Variants in PRKAR2B observed in about 807,000 individuals in gnomAD.
The protein encoded by PRKAR2B is protein kinase cAMP-dependent type II regulatory subunit beta.
In PRKAR2B, 14 loss-of-function variants were observed where a neutral mutation model predicts 49.9. The ratio of observed to expected loss-of-function variants is 0.28; its 90% CI spans 0.19 to 0.44. PRKAR2B has a LOEUF of 0.44. PRKAR2B is among the 20% of genes least tolerant of loss of function. The pLI is 1.00. For synonymous variants in PRKAR2B, 196 were observed against 197.7 expected (o/e 0.99, Z 0.07); for missense variants, 393 against 537.9 (o/e 0.73, Z 2.67).
chr7:107,109,882 G>A (rs1795141320), intron 2 of PRKAR2B, among the ~76,000 whole-genome samples: 1 of 152,140 alleles, frequency 6.6e-6, no homozygotes, highest in Non-Finnish European at 1.5e-5. Context: ...TCAACCAGTT[G>A]TTCCTCCCCC....
At chr7:107,133,426 C>A (rs1795638032) in intron 4 of PRKAR2B, among the ~76,000 whole-genome samples, 1 of 152,154 alleles carries the variant, frequency 6.6e-6, no homozygotes, top group Admixed American at 6.5e-5. Context: ...CCTCTACCTG[C>A]CTTAAAAAAG....
chr7:107,086,387 C>T (rs1794621061), intron 2 of PRKAR2B, among the ~76,000 whole-genome samples: 1 of 151,776 alleles, frequency 6.6e-6, no homozygotes, highest in South Asian at 2.1e-4. Context: ...AATACTTAAC[C>T]GATTTCTTAA....
rs896422420 is a variant in PRKAR2B, at chr7:107,044,818, G to T, written c.-90G>T. On this transcript the variant is annotated 5_prime_UTR_variant, in exon 1 of 11. Transcript: ENST00000265717. ...TCGCAGCCGGTAGCGCGCCAGCGCC[G>T]TAGGCGCTCGCTCGGCAGCCGCGGG... 146 of 1,091,296 alleles carry T rather than the reference G, an allele frequency of 1.3e-4. No homozygotes were observed. The highest frequency in any genetic ancestry group is 1.6e-4 in the Non-Finnish European group (139 of 853,330). The allele number at this position is 1,091,296 out of a possible 1,614,324, so 67.6% of individuals were successfully genotyped here. A position where few individuals can be genotyped will look rare whatever the true frequency, so the allele number is the denominator to read the frequency against.
rs572238999 is a variant in PRKAR2B at position 107,082,322 on chromosome 7, A to T, written c.343+12006A>T. Among the ~76,000 whole-genome samples, 8 of 152,250 alleles carry T rather than the reference A, an allele frequency of 5.3e-5. No individual in the cohort carries two copies. In the East Asian group the frequency reaches 1.3e-3, roughly 26 times the overall value. On this transcript the variant is annotated intron_variant, in intron 2 of 10. Coordinates refer to ENST00000265717, the MANE Select transcript of PRKAR2B (RefSeq NM_002736.3). ...TACTTTAAAAATGATATTGCTTCTT[A>T]CTTGCTTATATTTATCATTCCCCCC...
chr7:107,064,549 A>G (rs1794094608), intron 1 of PRKAR2B, among the ~76,000 whole-genome samples: 1 of 152,182 alleles, frequency 6.6e-6, no homozygotes, highest in Admixed American at 6.5e-5. Context: ...AGCTCCCGTT[A>G]TGTCTCATAA....
intron 1 of PRKAR2B, among the ~76,000 whole-genome samples, chr7:107,060,617 G>A (rs1361566969): frequency 4.3e-5 from 3 of 69,192 alleles, no homozygotes; most frequent in South Asian, 5.2e-4. Flanking sequence ...CTTCCCTCCC[G>A]CCCTCCCTTC....
chr7:107,133,014 G>A (rs762507608), intron 4 of PRKAR2B, among the ~76,000 whole-genome samples: 7 of 152,062 alleles, frequency 4.6e-5, no homozygotes, highest in African/African-American at 1.4e-4. Context: ...TATATGATAG[G>A]CTCTTTCATT....
intron 3 of PRKAR2B, among the ~76,000 whole-genome samples, chr7:107,122,441 A>G (rs1292895873): frequency 3.9e-5 from 6 of 152,206 alleles, no homozygotes; most frequent in African/African-American, 1.2e-4. Context: ...GTGAGTCTTC[A>G]TAGTTTGCTC....
At position 107,159,631 on chromosome 7, in the gene PRKAR2B, G is replaced by C; in HGVS notation, c.*49G>C. The C allele has an allele frequency of 6.3e-7, 1 of 1,586,674 alleles. No individual in the cohort carries two copies. Among genetic ancestry groups the C allele is most frequent in the Non-Finnish European group, 8.6e-7 (1 of 1,160,964 alleles). On this transcript the variant is annotated 3_prime_UTR_variant, in exon 11 of 11. Transcript: ENST00000265717. ...GTAGTGACAAAATTACACAGTAGTG[G>C]TTAGTCCACTGAGAATGTGTTTGTG...
At chr7:107,123,699 C>G (rs532289997) in intron 3 of PRKAR2B, among the ~76,000 whole-genome samples, 4 of 152,294 alleles carry the variant, frequency 2.6e-5, no homozygotes, top group South Asian at 2.1e-4. Context: ...AAAGTCCAAC[C>G]TACTTGGGAA....
intron 1 of PRKAR2B, among the ~76,000 whole-genome samples, chr7:107,060,421 G>A (rs1309606923): frequency 1.3e-5 from 2 of 152,188 alleles, no homozygotes; most frequent in East Asian, 3.8e-4. Flanking sequence ...AGCTTTGACA[G>A]TAGGATGGAT....
chr7:107,123,972 A>G (rs576826945), intron 3 of PRKAR2B, among the ~76,000 whole-genome samples: 1 of 152,304 alleles, frequency 6.6e-6, no homozygotes, highest in South Asian at 2.1e-4. Context: ...CTTGGGAATG[A>G]TTATTACAGA....
chr7:107,142,235 T>C (rs1562869522), intron 5 of PRKAR2B, among the ~76,000 whole-genome samples: 1 of 152,198 alleles, frequency 6.6e-6, no homozygotes, highest in Non-Finnish European at 1.5e-5. Context: ...GTATCTTTCA[T>C]GCGTCAGTCG....
At chr7:107,126,612 C>T (rs895223515) in intron 3 of PRKAR2B, among the ~76,000 whole-genome samples, 14 of 152,174 alleles carry the variant, frequency 9.2e-5, no homozygotes, top group South Asian at 6.2e-4. Flanking sequence ...TCCCCCCTTT[C>T]CTTTCTGAGA....
intron 4 of PRKAR2B, among the ~76,000 whole-genome samples, chr7:107,136,108 G>A (rs560287906): frequency 6.6e-6 from 1 of 152,250 alleles, no homozygotes; most frequent in Non-Finnish European, 1.5e-5. Flanking sequence ...AACAAATGGT[G>A]CTGGAAAAAC....
At chr7:107,091,998 A>G (rs1365016982) in intron 2 of PRKAR2B, 1 of 152,124 alleles carries the variant, frequency 6.6e-6, no homozygotes, top group Non-Finnish European at 1.5e-5. Context: ...GAGGGAAGAG[A>G]AGGATTTTTA....
rs561598856 is a variant in PRKAR2B, at chr7:107,158,532, A to G, written c.1124-917A>G. ...CAAATTTTAAAATTCTTTTAGGTAA[A>G]TATATACACGATAAATTAATCATTC... On this transcript the variant is annotated intron_variant, in intron 10 of 10. Transcript: ENST00000265717. Among the ~76,000 whole-genome samples the G allele has an allele frequency of 2.6e-5, 4 of 152,246 alleles. No homozygotes were observed. In the East Asian group the frequency reaches 5.8e-4, roughly 22 times the overall value.
chr7:107,100,369 G>T (rs1417607704), intron 2 of PRKAR2B, among the ~76,000 whole-genome samples: 3 of 152,122 alleles, frequency 2.0e-5, no homozygotes, highest in Non-Finnish European at 2.9e-5. Flanking sequence ...GTTAGTAATT[G>T]TTTTGTTGTT....
chr7:107,070,411 A>T, intron 2 of PRKAR2B, 95 bp downstream of exon 2: 1 of 1,058,104 alleles, frequency 9.5e-7, no homozygotes, highest in South Asian at 1.5e-5. Flanking sequence ...ATTGCTGTAT[A>T]GTAAACCTTT....
Sources: gnomAD v4.1 joint callset for allele counts (sites outside exome capture counted in the v4.1 genomes callset) on GRCh38, gnomAD v4.1.1 for gene constraint, MANE v1.5 for transcripts, NCBI Gene and HGNC (gene_info 2026-07-23, HGNC 2026-07-21) for gene names.